Variants in BRWD1 observed in about 807,000 individuals in gnomAD.
BRWD1 encodes bromodomain and WD repeat-containing protein 1.
A neutral mutation model predicts 251.2 loss-of-function variants in BRWD1; 82 were observed. The ratio of observed to expected loss-of-function variants is 0.33; its 90% CI spans 0.27 to 0.39. The LOEUF is 0.39. Among genes scored for constraint, BRWD1 ranks in the 10% least tolerant of loss-of-function variants. The pLI, the probability that BRWD1 is intolerant of heterozygous loss-of-function variation, is 1.00. For missense variants in BRWD1, 2,233 were observed against 2,711.6 expected, an observed-to-expected ratio of 0.82 and a Z score of 3.92; for synonymous variants, 918 against 902.8, an observed-to-expected ratio of 1.02 and a Z score of -0.30.
rs2034540997 is a variant in BRWD1, at chr21:39,255,634, C to T, written c.2255+11G>A. ...GATAGAAACATTATAAATAGATATC[C>T]TAAAACAAACCTAAATATGCCTAGT... On this transcript the variant is annotated intron_variant, in intron 19 of 40. Transcript: ENST00000342449. 6.2e-7 allele frequency: 1 copy of T among 1,608,860 alleles called. No homozygotes were observed. The highest frequency in any genetic ancestry group is 1.3e-5 in the African/African-American group (1 of 74,704).
intron 35 of BRWD1, 70 bp downstream of exon 35, chr21:39,210,716 A>C: frequency 6.7e-7 from 1 of 1,485,792 alleles, no homozygotes; most frequent in Non-Finnish European, 8.9e-7. Context: ...TTTAAAGTTT[A>C]ATAACTCTAC....
Position 39,247,878 on chromosome 21 carries a change from G to C in BRWD1, c.2350-46C>G, listed in dbSNP as rs748550963. ...CGAATGAAAATCAACACCTAAATAA[G>C]GACAATATCAACAAAATGGGCATTC... is the stretch of plus-strand genomic sequence containing the variant. On this transcript the variant is annotated intron_variant, in intron 20 of 40. Transcript: ENST00000342449. The C allele has an allele frequency of 1.1e-5, 16 of 1,501,064 alleles. No homozygotes were observed. The Admixed American group carries it at 3.6e-4, about 34-fold the overall frequency. 93.0% of individuals were successfully genotyped at this position (1,501,064 alleles called of 1,614,324 possible).
rs140120132 is a variant in BRWD1 at position 39,199,313 on chromosome 21, T to C, written c.5103A>G (p.Pro1701=). Residue 1701 remains proline, a synonymous_variant, in exon 40 of 41, where the codon CCA becomes CCG. Coordinates refer to ENST00000342449, the MANE Select transcript of BRWD1 (RefSeq NM_033656.4). The part of the protein sequence containing the change: ...EELKDENQLL[P]VSSSHTAQSN... ...TCTGGGCAGTGTGAGAACTGGACACTGGTAATAGTTGATTTTCATCTTTTA... is the reference window on the plus strand; with the variant it reads ...TCTGGGCAGTGTGAGAACTGGACACCGGTAATAGTTGATTTTCATCTTTTA... 23 of 1,614,070 alleles carry C rather than the reference T, an allele frequency of 1.4e-5. No individual in the cohort carries two copies. Among genetic ancestry groups the C allele is most frequent in the African/African-American group, 1.1e-4 (8 of 74,938 alleles).
intron 19 of BRWD1, among the ~76,000 whole-genome samples, chr21:39,251,650 C>T (rs531834523): frequency 9.9e-5 from 15 of 152,180 alleles, no homozygotes; most frequent in Non-Finnish European, 2.1e-4. Flanking sequence ...ACAGCCCACA[C>T]TCAAGATTAC....
In BRWD1 at chr21:39,202,302, TAAC is replaced by T. The variant is rs748659424; in HGVS notation, c.4585+20_4585+22del. On this transcript the variant is annotated intron_variant, in intron 38 of 40. Transcript: ENST00000342449. ...CACATTTGGGTGCTCAGCAAAGAAA[TAAC>T]ATAGTATTTCACTTCTCACCAGATA... 3 of 1,571,130 alleles carry T rather than the reference TAAC, an allele frequency of 1.9e-6. No homozygotes were observed. The South Asian group carries it at 3.4e-5, about 18-fold the overall frequency.
At chr21:39,235,080 C>A (rs2033761561) in intron 23 of BRWD1, among the ~76,000 whole-genome samples, 1 of 152,054 alleles carries the variant, frequency 6.6e-6, no homozygotes. Context: ...AAAACCATGT[C>A]TCTACTAAAA....
chr21:39,235,850 C>A, intron 23 of BRWD1: 1 of 167,748 alleles, frequency 6.0e-6, no homozygotes, highest in South Asian at 1.5e-4. Flanking sequence ...CCACAGCTCC[C>A]ATCTCCAGAT....
upstream of BRWD1, among the ~76,000 whole-genome samples, chr21:39,316,862 G>C (rs1044783809): frequency 1.3e-5 from 1 of 74,376 alleles, no homozygotes; most frequent in Non-Finnish European, 3.5e-5. Flanking sequence ...GGCTAGAGCC[G>C]GGGGGGATTG....
intron 8 of BRWD1, among the ~76,000 whole-genome samples, chr21:39,283,838 C>A (rs1338626569): frequency 6.6e-6 from 1 of 152,074 alleles, no homozygotes; most frequent in African/African-American, 2.4e-5. Flanking sequence ...ATATGTATTT[C>A]TGGATATTAA....
At chr21:39,273,013 A>C (rs946867973) in intron 13 of BRWD1, among the ~76,000 whole-genome samples, 1 of 152,206 alleles carries the variant, frequency 6.6e-6, no homozygotes, top group African/African-American at 2.4e-5. Context: ...CAATTCTTAC[A>C]TACAGAAGAC....
chr21:39,290,549 G>T (rs942245367), intron 8 of BRWD1, among the ~76,000 whole-genome samples: 6 of 151,612 alleles, frequency 4.0e-5, no homozygotes, highest in Admixed American at 2.0e-4. Flanking sequence ...ATATTCAGTA[G>T]GTGATAAACG....
At chr21:39,202,708 A>C (rs2032172824) in intron 37 of BRWD1, among the ~76,000 whole-genome samples, 163 bp from the exon 38 acceptor site, 1 of 152,224 alleles carries the variant, frequency 6.6e-6, no homozygotes, top group South Asian at 2.1e-4. Flanking sequence ...TCTGGCACTG[A>C]TTAGTAGTAG....
rs533347225 is a variant in BRWD1 at position 39,191,734 on chromosome 21, G to C, written c.*4525C>G. 3.0e-6 allele frequency: 3 copies of C among 985,292 alleles called. No individual in the cohort carries two copies. The African/African-American group carries it at 5.2e-5, about 17-fold the overall frequency. The allele number at this position is 985,292 out of a possible 1,614,324, so 61.0% of individuals were successfully genotyped here. On this transcript the variant is annotated 3_prime_UTR_variant, in exon 41 of 41. Transcript: ENST00000342449. ...TTACCTTGTAAAACAAAGGGGTAGAGCTGCTACAGTCCATCTAGGCTCTAT... is the reference window on the plus strand; with the variant it reads ...TTACCTTGTAAAACAAAGGGGTAGACCTGCTACAGTCCATCTAGGCTCTAT...
intron 5 of BRWD1, chr21:39,297,809 G>T (rs1345480728): frequency 1.1e-6 from 1 of 877,018 alleles, no homozygotes; most frequent in Non-Finnish European, 1.4e-6. Context: ...AACAATCTTT[G>T]CCCATTAGCA....
At chr21:39,247,618 T>C (rs756265482) in intron 21 of BRWD1, 83 bp downstream of exon 21, 2 of 1,349,050 alleles carry the variant, frequency 1.5e-6, no homozygotes, top group Non-Finnish European at 2.0e-6. Flanking sequence ...TTCATATAAA[T>C]TTGGGGTATA....
rs960406317 is a variant in BRWD1, at chr21:39,282,373, G to C, written c.832-2125C>G. Among the ~76,000 whole-genome samples, 103 of 152,244 alleles carry C rather than the reference G, an allele frequency of 6.8e-4. 1 individual carries two copies. The highest frequency in any genetic ancestry group is 8.8e-5 in the Non-Finnish European group (6 of 68,014). Reference sequence around the variant, plus strand: ...TTATGGATTTTTTTTAATGTTGAAAGTGATTGTTTATATCTAAGTAGATAT... The same window carrying C: ...TTATGGATTTTTTTTAATGTTGAAACTGATTGTTTATATCTAAGTAGATAT... On this transcript the variant is annotated intron_variant, in intron 8 of 40. Transcript: ENST00000342449.
chr21:39,298,649 TAA>T, intron 4 of BRWD1, 67 bp from the exon 5 acceptor site: 1 of 1,319,024 alleles, frequency 7.6e-7, no homozygotes, highest in Non-Finnish European at 1.0e-6. Flanking sequence ...TACTTAGGGA[TAA>T]GTCTGGCAAA....
chr21:39,247,701 A>G lies in BRWD1; in HGVS notation c.2481T>C (p.His827=). 2 of 1,599,500 alleles carry G rather than the reference A, an allele frequency of 1.3e-6. No homozygotes were observed. Among genetic ancestry groups the G allele is most frequent in the Non-Finnish European group, 1.7e-6 (2 of 1,175,646 alleles). ...SGNESSSSVR[H]ETSCDQSEGS... ...TAACATTTTAAAGTTTTCCACTCACATGTCTTACAGAGCTTGAAGACTCAT... is the reference window on the plus strand; with the variant it reads ...TAACATTTTAAAGTTTTCCACTCACGTGTCTTACAGAGCTTGAAGACTCAT... Residue 827 remains histidine, a splice_region_variant and synonymous_variant, in exon 21 of 41, where the codon CAT becomes CAC. Coordinates refer to ENST00000342449, the MANE Select transcript of BRWD1 (RefSeq NM_033656.4).
Position 39,191,560 on chromosome 21 carries a change from T to C in BRWD1, c.*4699A>G. The C allele has an allele frequency of 9.1e-6, 9 of 983,972 alleles. No individual in the cohort carries two copies. The highest frequency in any genetic ancestry group is 1.1e-5 in the Non-Finnish European group (9 of 828,630). 61.0% of individuals were successfully genotyped at this position (983,972 alleles called of 1,614,324 possible). On this transcript the variant is annotated 3_prime_UTR_variant, in exon 41 of 41. Coordinates refer to ENST00000342449, the MANE Select transcript of BRWD1 (RefSeq NM_033656.4). ...ACTAAAGATCTGCTTGACAGGCTCA[T>C]GTAATTTTTTGATTGGGATTTTGTA... is the stretch of plus-strand genomic sequence containing the variant.
Sources: allele counts gnomAD v4.1 joint callset (sites outside exome capture counted in the v4.1 genomes callset), GRCh38; gene constraint gnomAD v4.1.1; transcripts MANE v1.5; gene names NCBI Gene and HGNC (gene_info 2026-07-23, HGNC 2026-07-21).